The following INTS1 variants were observed in gnomAD, a reference collection of about 807,000 sequenced individuals.
The protein encoded by INTS1 is integrator complex subunit 1.
A neutral mutation model predicts 241.6 loss-of-function variants in INTS1; 137 were observed. The ratio of observed to expected loss-of-function variants is 0.57; its 90% CI spans 0.49 to 0.65. INTS1 has a LOEUF of 0.65. INTS1 is among the 30% of genes least tolerant of loss of function. INTS1 has a pLI of 0.00. For synonymous variants in INTS1, 1,692 were observed against 1,337.8 expected (o/e 1.26, Z -5.78); for missense variants, 3,073 against 3,032.2 (o/e 1.01, Z -0.32).
rs1340982763 is a variant in INTS1 at position 1,498,961 on chromosome 7, G to A, written c.1137+14C>T. On this transcript the variant is annotated intron_variant, in intron 8 of 47. Coordinates refer to ENST00000404767, the MANE Select transcript of INTS1 (RefSeq NM_001080453.3). ...ACCCCCTGCCCCGCCCACCCCCCCGGGGCGCCCCCGCACCTTGGGGTTCTG... is the reference window on the plus strand; with the variant it reads ...ACCCCCTGCCCCGCCCACCCCCCCGAGGCGCCCCCGCACCTTGGGGTTCTG... 9.3e-7 allele frequency: 1 copy of A among 1,070,344 alleles called. No homozygotes were observed. Among genetic ancestry groups the A allele is most frequent in the South Asian group, 1.5e-5 (1 of 66,426 alleles). The allele number at this position is 1,070,344 out of a possible 1,614,324, so 66.3% of individuals were successfully genotyped here. A position where few individuals can be genotyped will look rare whatever the true frequency, so the allele number is the denominator to read the frequency against.
chr7:1,480,276 A>G (rs1206478908), intron 30 of INTS1, 41 bp downstream of exon 30: 2 of 1,569,762 alleles, frequency 1.3e-6, no homozygotes, highest in Non-Finnish European at 1.7e-6. Context: ...ACGCAGGAAG[A>G]GGGGCTGCAG....
chr7:1,487,394 G>A lies in INTS1; in HGVS notation c.2572C>T (p.Gln858Ter). The A allele has an allele frequency of 2.5e-6, 4 of 1,612,088 alleles. No individual in the cohort carries two copies. The highest frequency in any genetic ancestry group is 3.4e-6 in the Non-Finnish European group (4 of 1,179,468). Reference sequence around the variant, plus strand: ...AAGAGGTGCCCGAGGCGGAGGGACTGGTTGAGGCTTTTCACTTGATCCAGG... The same window carrying A: ...AAGAGGTGCCCGAGGCGGAGGGACTAGTTGAGGCTTTTCACTTGATCCAGG... ...HILDQVKSLN[Q>*]SLRLGHLLCR... Residue 858 changes from glutamine to a stop codon, truncating the protein, a stop_gained, in exon 20 of 48, where the codon CAG (glutamine) becomes TAG (stop). Transcript: ENST00000404767. LOFTEE classifies it high-confidence loss of function.
chr7:1,492,711 C>T (rs114514630), intron 16 of INTS1, among the ~76,000 whole-genome samples: 1 of 152,218 alleles, frequency 6.6e-6, no homozygotes. Flanking sequence ...AACGGGGAAA[C>T]AGCCCACTCA....
intron 16 of INTS1, among the ~76,000 whole-genome samples, chr7:1,491,881 A>G (rs1414318000): frequency 6.6e-6 from 1 of 152,200 alleles, no homozygotes; most frequent in Non-Finnish European, 1.5e-5. Context: ...CCTAGGTGAC[A>G]GACAGAGCAA....
At position 1,504,176 on chromosome 7, in the gene INTS1, C is replaced by T. The variant is rs888951932; in HGVS notation, c.-42+147G>A. 27 of 535,538 alleles carry T rather than the reference C, an allele frequency of 5.0e-5. No homozygotes were observed. In the African/African-American group the frequency reaches 5.3e-4, roughly 11 times the overall value. The allele number at this position is 535,538 out of a possible 1,614,324, so 33.2% of individuals were successfully genotyped here. On this transcript the variant is annotated intron_variant, in intron 1 of 47. Coordinates refer to ENST00000404767, the MANE Select transcript of INTS1 (RefSeq NM_001080453.3). ...ACCCCGCCTCCCAGCCGCCCGGGAG[C>T]GGCTCAGTCGGGCGGCAGCAGGCGA...
intron 23 of INTS1, 41 bp downstream of exon 23, chr7:1,485,249 C>T: frequency 2.5e-6 from 4 of 1,597,682 alleles, no homozygotes; most frequent in East Asian, 2.2e-5. Context: ...GGCTGCGGCC[C>T]TCTCATCTTT....
intron 16 of INTS1, among the ~76,000 whole-genome samples, chr7:1,491,119 A>G (rs779815353): frequency 1.3e-5 from 2 of 152,216 alleles, no homozygotes; most frequent in Non-Finnish European, 2.9e-5. Flanking sequence ...AAACTATAAC[A>G]TTCCCGGGAG....
Position 1,503,841 on chromosome 7 carries a change from C to CCCCAAAGACT in INTS1, c.58+61_58+62insAGTCTTTGGG, listed in dbSNP as rs1209121365. 1.7e-5 allele frequency: 17 copies of CCCCAAAGACT among 996,482 alleles called. 2 individuals carry two copies. Among genetic ancestry groups the CCCCAAAGACT allele is most frequent in the East Asian group, 3.1e-5 (1 of 32,516 alleles). 61.7% of individuals were successfully genotyped at this position (996,482 alleles called of 1,614,324 possible). A position where few individuals can be genotyped will look rare whatever the true frequency, so the allele number is the denominator to read the frequency against. On this transcript the variant is annotated intron_variant, in intron 2 of 47. Coordinates refer to ENST00000404767, the MANE Select transcript of INTS1 (RefSeq NM_001080453.3). ...ACGCAGGATCCGCGGCAGCTGAGAT[C>CCCCAAAGACT]CCCAAAGACCCCCAAAGACCCCCAA... is the stretch of plus-strand genomic sequence containing the variant.
At chr7:1,492,565 TA>T (rs1431860378) in intron 16 of INTS1, among the ~76,000 whole-genome samples, 3 of 152,218 alleles carry the variant, frequency 2.0e-5, no homozygotes, top group African/African-American at 7.2e-5. Context: ...TTGCACACTT[TA>T]GATAACACGT....
At chr7:1,494,522 C>T (rs1478160402) in intron 14 of INTS1, 8 of 503,760 alleles carry the variant, frequency 1.6e-5, no homozygotes, top group South Asian at 4.1e-5. Flanking sequence ...TGAAGGGTGG[C>T]GTGCCCGTGG....
chr7:1,499,759 C>T lies in INTS1; in HGVS notation c.684+125G>A, dbSNP rs995840071. 21 of 1,461,884 alleles carry T rather than the reference C, an allele frequency of 1.4e-5. No individual in the cohort carries two copies. The African/African-American group carries it at 2.0e-4, about 14-fold the overall frequency. The allele number at this position is 1,461,884 out of a possible 1,614,324, so 90.6% of individuals were successfully genotyped here. ...TCCAGCTTCTGGGTGCAGCAGGGAC[C>T]GTGCCATCACCACCAGGGCTGTCAG... On this transcript the variant is annotated intron_variant, in intron 5 of 47. Coordinates refer to ENST00000404767, the MANE Select transcript of INTS1 (RefSeq NM_001080453.3).
At position 1,472,386 on chromosome 7, in the gene INTS1, T is replaced by G; in HGVS notation, c.6071A>C (p.Glu2024Ala). ...GGGCAAGGAGCCGGCTGAGCTCTCCTCTGGAAGACAGTGGCAGTGCTGCAG... is the reference window on the plus strand; with the variant it reads ...GGGCAAGGAGCCGGCTGAGCTCTCCGCTGGAAGACAGTGGCAGTGCTGCAG... The part of the protein sequence containing the change: ...TDRGLDEEGE[E>A]ESSAGSLPLV... The change falls in exon 44 of 48, where the codon GAG becomes GCG. Residue 2024 changes from glutamate (E) to alanine (A), a missense_variant and splice_region_variant. By Grantham distance (107) the Glu-to-Ala change is moderately radical (BLOSUM62 -1). Coordinates refer to ENST00000404767, the MANE Select transcript of INTS1 (RefSeq NM_001080453.3). 1 of 1,540,456 alleles carries G rather than the reference T, an allele frequency of 6.5e-7. No individual in the cohort carries two copies.
At chr7:1,485,563 C>G in intron 22 of INTS1, 94 bp from the exon 23 acceptor site, 1 of 1,334,544 alleles carries the variant, frequency 7.5e-7, no homozygotes, top group Non-Finnish European at 1.0e-6. Context: ...CCCTCAGAGC[C>G]CCGAGGAGAA....
Position 1,497,732 on chromosome 7 carries a change from T to G in INTS1, c.1426-418A>C, listed in dbSNP as rs1782930930. Among the ~76,000 whole-genome samples, 1 of 152,256 alleles carries G rather than the reference T, an allele frequency of 6.6e-6. No individual in the cohort carries two copies. The highest frequency in any genetic ancestry group is 2.4e-5 in the African/African-American group (1 of 41,468). On this transcript the variant is annotated intron_variant, in intron 10 of 47. Coordinates refer to ENST00000404767, the MANE Select transcript of INTS1 (RefSeq NM_001080453.3). The surrounding 1 kb of genome is among the most constrained non-coding windows in gnomAD (Gnocchi z 5.3). ...TCTCAAAATGCCAGGCCGCGAAGAC[T>G]GAACGCGGAGCTGAGAGCGGCTGTG...
intron 24 of INTS1, among the ~76,000 whole-genome samples, chr7:1,484,877 A>C (rs937638531): frequency 2.0e-5 from 3 of 152,080 alleles, no homozygotes; most frequent in Non-Finnish European, 4.4e-5. Flanking sequence ...GTGGCCCAAG[A>C]AGCCGCCAGC....
Position 1,499,470 on chromosome 7 carries a change from C to T in INTS1, c.844+3G>A, listed in dbSNP as rs1783047401. 2.6e-6 allele frequency: 4 copies of T among 1,563,356 alleles called. No individual in the cohort carries two copies. In the African/African-American group the frequency reaches 4.1e-5, roughly 16 times the overall value. On this transcript the variant is annotated splice_donor_region_variant and intron_variant, in intron 6 of 47. Transcript: ENST00000404767. ...GCCCTCTCTGGCTGGCCGTGTGTCT[C>T]ACCTGCACCCAGGTCGCCCGCAACG...
At chr7:1,474,450 C>T in intron 40 of INTS1, 90 bp from the exon 41 acceptor site, 1 of 1,362,896 alleles carries the variant, frequency 7.3e-7, no homozygotes, top group South Asian at 1.4e-5. Context: ...GCCCCGGGAG[C>T]CAGACCCCGT....
chr7:1,495,616 C>G lies in INTS1; in HGVS notation c.1712-63G>C, dbSNP rs1426227194. 1.9e-6 allele frequency: 3 copies of G among 1,553,896 alleles called. No individual in the cohort carries two copies. The African/African-American group carries it at 4.1e-5, about 21-fold the overall frequency. On this transcript the variant is annotated intron_variant, in intron 12 of 47. Coordinates refer to ENST00000404767, the MANE Select transcript of INTS1 (RefSeq NM_001080453.3). ...ATGGGCCATGAGGGGCTAAGGCACC[C>G]CTGGGGGTCCAACTCAATGCTGGCA...
In INTS1 at chr7:1,472,248, G is replaced by A. The variant is rs377475604; in HGVS notation, c.6184+25C>T. 1.3e-3 allele frequency: 2,010 copies of A among 1,513,462 alleles called. 33 individuals carry two copies. In the South Asian group the frequency reaches 0.022, roughly 16 times the overall value. 93.8% of individuals were successfully genotyped at this position (1,513,462 alleles called of 1,614,324 possible). A position where few individuals can be genotyped will look rare whatever the true frequency, so the allele number is the denominator to read the frequency against. ...ATGGGACCCAGGGCGCTGACCTGGC[G>A]TGGGTGAAGCAGGGCCTGACTCACC... On this transcript the variant is annotated intron_variant, in intron 44 of 47. Coordinates refer to ENST00000404767, the MANE Select transcript of INTS1 (RefSeq NM_001080453.3).
Sources: allele counts gnomAD v4.1 joint callset (sites outside exome capture counted in the v4.1 genomes callset), GRCh38; gene constraint gnomAD v4.1.1; non-coding constraint Gnocchi (gnomAD v3.1); transcripts MANE v1.5; gene names NCBI Gene and HGNC (gene_info 2026-07-23, HGNC 2026-07-21).